The following NAA16 variants were observed in gnomAD, a reference collection of about 807,000 sequenced individuals.
NAA16 encodes NARG1-like protein.
In NAA16, 97 loss-of-function variants were observed where a neutral mutation model predicts 110.3. The observed-to-expected ratio is 0.88, with a 90% CI of 0.75 to 1.04. The LOEUF (loss-of-function observed/expected upper bound fraction) is 1.04, where lower values mean the gene tolerates loss of function less well. Among genes scored for constraint, NAA16 ranks in the 50% least tolerant of loss-of-function variants. NAA16 has a pLI of 0.00. For synonymous variants in NAA16, 372 were observed against 330.6 expected (o/e 1.13, Z -1.36); for missense variants, 1,017 against 1,005.1 (o/e 1.01, Z -0.16).
chr13:41,369,328 T>C, intron 15 of NAA16, 45 bp downstream of exon 15: 7 of 1,460,246 alleles, frequency 4.8e-6, no homozygotes, highest in Non-Finnish European at 6.3e-6. Context: ...AAATTTATGC[T>C]ATTTGGTTCC....
chr13:41,374,440 A>C, intron 18 of NAA16: 1 of 195,850 alleles, frequency 5.1e-6, no homozygotes, highest in Non-Finnish European at 1.0e-5. Flanking sequence ...AAGGGGAGGA[A>C]GTTGTTGAGT....
intron 1 of NAA16, among the ~76,000 whole-genome samples, chr13:41,313,336 A>T (rs1448336008): frequency 6.6e-6 from 1 of 152,220 alleles, no homozygotes; most frequent in African/African-American, 2.4e-5. Flanking sequence ...CTGGGATTAC[A>T]GATGTGAGCT....
At chr13:41,341,453 C>T (rs536988466) in intron 9 of NAA16, among the ~76,000 whole-genome samples, 1 of 152,284 alleles carries the variant, frequency 6.6e-6, no homozygotes, top group South Asian at 2.1e-4. Context: ...CGTGGTGGCT[C>T]ATGCCTGTAA....
chr13:41,359,409 C>T (rs559162613), intron 12 of NAA16, among the ~76,000 whole-genome samples: 3 of 152,290 alleles, frequency 2.0e-5, no homozygotes, highest in African/African-American at 4.8e-5. Context: ...CTGAGATGGG[C>T]TACACATCCA....
At chr13:41,350,918 C>T (rs755065963) in intron 9 of NAA16, among the ~76,000 whole-genome samples, 4 of 152,204 alleles carry the variant, frequency 2.6e-5, no homozygotes, top group Admixed American at 6.5e-5. Context: ...GCATGAGCCA[C>T]TGCACCCAGC....
intron 6 of NAA16, among the ~76,000 whole-genome samples, chr13:41,327,601 C>T (rs2042126952): frequency 6.6e-6 from 1 of 151,956 alleles, no homozygotes; most frequent in Admixed American, 6.6e-5. Flanking sequence ...ATGCATTCCT[C>T]TAGTAATAAC....
chr13:41,331,166 T>C (rs1325178602), intron 7 of NAA16, 108 bp from the exon 8 acceptor site: 4 of 630,256 alleles, frequency 6.3e-6, no homozygotes, highest in South Asian at 2.6e-5. Context: ...GCAGCTTTAA[T>C]ATTGTTAATG....
intron 9 of NAA16, among the ~76,000 whole-genome samples, chr13:41,346,007 G>C (rs1293058183): frequency 6.6e-6 from 1 of 152,094 alleles, no homozygotes; most frequent in Non-Finnish European, 1.5e-5. Flanking sequence ...TTTTTAATTT[G>C]GATGAAGTCC....
rs1052915041 is a variant in NAA16 at position 41,369,217 on chromosome 13, AAG to A, written c.1885_1886del (p.Asp629Ter). ...ERQQKNQKKK[R>X]DEEEEEASGL... Reference sequence around the variant, plus strand: ...GTCAACAGAAAAATCAAAAGAAAAAAAGAGATGAAGAAGAAGAAGAAGCCAGT... The same window carrying A: ...GTCAACAGAAAAATCAAAAGAAAAAAAGATGAAGAAGAAGAAGAAGCCAGT... On this transcript the variant is annotated frameshift_variant, in exon 15 of 20. Transcript: ENST00000379406. LOFTEE classifies it high-confidence loss of function. 3 of 1,597,278 alleles carry A rather than the reference AAG, an allele frequency of 1.9e-6. No individual in the cohort carries two copies. The highest frequency in any genetic ancestry group is 1.4e-5 in the African/African-American group (1 of 73,558).
intron 11 of NAA16, 102 bp from the exon 12 acceptor site, chr13:41,358,708 A>G (rs1257212415): frequency 1.4e-6 from 2 of 1,461,934 alleles, no homozygotes; most frequent in Non-Finnish European, 1.8e-6. Flanking sequence ...TTTGACAGAA[A>G]TGGTGACAGA....
chr13:41,369,503 CA>C (rs879805266), intron 15 of NAA16, among the ~76,000 whole-genome samples: 2 of 152,132 alleles, frequency 1.3e-5, no homozygotes, highest in Admixed American at 1.3e-4. Flanking sequence ...AATGGCCCTG[CA>C]AAGGTGTCTG....
chr13:41,354,102 G>A (rs552125707), intron 9 of NAA16, among the ~76,000 whole-genome samples: 3 of 152,172 alleles, frequency 2.0e-5, no homozygotes, highest in South Asian at 2.1e-4. Context: ...GTTCCTTACT[G>A]TTAATGTATA....
intron 8 of NAA16, among the ~76,000 whole-genome samples, chr13:41,332,781 A>G (rs2042274457): frequency 1.7e-5 from 1 of 57,710 alleles, no homozygotes; most frequent in African/African-American, 8.1e-5. Context: ...TATTGATGAA[A>G]ATTAAAAATT....
rs764853764 is a variant in NAA16, at chr13:41,372,229, T to G, written c.1974T>G (p.Val658=). The G allele has an allele frequency of 2.5e-6, 4 of 1,589,254 alleles. No individual in the cohort carries two copies. Among genetic ancestry groups the G allele is most frequent in the Non-Finnish European group, 8.5e-7 (1 of 1,169,956 alleles). The change falls in exon 16 of 20, where the codon GTT becomes GTG. Residue 658 remains valine (V), a synonymous_variant. Coordinates refer to ENST00000379406, the MANE Select transcript of NAA16 (RefSeq NM_024561.5). ...ERVENPLEEA[V]KFLIPLKNLV... ...TAGAAAATCCATTAGAGGAAGCCGT[T>G]AAGTTCCTTATACCTCTTAAGAACC...
At chr13:41,339,120 T>TTTG (rs56356158) in intron 9 of NAA16, among the ~76,000 whole-genome samples, 126,073 of 151,300 alleles carry the variant, frequency 0.83, 52,681 homozygotes, top group South Asian at 0.89. Context: ...ATTTCTTGTT[T>TTTG]TTGTTGTTGT....
intron 9 of NAA16, among the ~76,000 whole-genome samples, chr13:41,353,776 C>T (rs1593497336): frequency 8.5e-6 from 1 of 117,522 alleles, no homozygotes; most frequent in Non-Finnish European, 1.7e-5. Context: ...CTTACACACA[C>T]ACACACACAC....
chr13:41,372,223 A>G lies in NAA16; in HGVS notation c.1968A>G (p.Glu656=), dbSNP rs1322628388. ...AATAGGTAGAAAATCCATTAGAGGA[A>G]GCCGTTAAGTTCCTTATACCTCTTA... ...KLERVENPLE[E]AVKFLIPLKN... The change falls in exon 16 of 20, where the codon GAA becomes GAG. Residue 656 remains glutamate (E), a synonymous_variant. Coordinates refer to ENST00000379406, the MANE Select transcript of NAA16 (RefSeq NM_024561.5). 3 of 1,577,170 alleles carry G rather than the reference A, an allele frequency of 1.9e-6. No homozygotes were observed. The African/African-American group carries it at 4.1e-5, about 22-fold the overall frequency.
Position 41,325,797 on chromosome 13 carries a change from A to T in NAA16, c.637A>T (p.Ile213Leu). ...TCTGTTGCAGGAATCTTTGGAACAT[A>T]TAGAAATGTATGAGAAACAAATATG... ...ADLLQESLEH[I>L]EMYEKQICDK... The change falls in exon 6 of 20, where the codon ATA (isoleucine) becomes TTA (leucine). Residue 213 changes from isoleucine (I) to leucine (L), a missense_variant. By Grantham distance (5) the Ile-to-Leu change is conservative. Coordinates refer to ENST00000379406, the MANE Select transcript of NAA16 (RefSeq NM_024561.5). The T allele has an allele frequency of 2.5e-6, 4 of 1,610,228 alleles. No individual in the cohort carries two copies. The Admixed American group carries it at 5.0e-5, about 20-fold the overall frequency.
At chr13:41,325,969 A>T in intron 6 of NAA16, 118 bp downstream of exon 6, 1 of 722,060 alleles carries the variant, frequency 1.4e-6, no homozygotes, top group Admixed American at 3.6e-5. Context: ...TCCAAACACG[A>T]TTATTAAGCC....
Sources: gnomAD v4.1 joint callset for allele counts (sites outside exome capture counted in the v4.1 genomes callset) on GRCh38, gnomAD v4.1.1 for gene constraint, MANE v1.5 for transcripts, NCBI Gene and HGNC (gene_info 2026-07-23, HGNC 2026-07-21) for gene names.